DISC1: variants seen among roughly 807,000 people sequenced by gnomAD.
DISC1 encodes the protein DISC1 scaffold protein.
In DISC1, 57 loss-of-function variants were observed where a neutral mutation model predicts 84.5. That is an observed-to-expected ratio of 0.67 (90% CI 0.55 to 0.84). The LOEUF (loss-of-function observed/expected upper bound fraction) is 0.84, where lower values mean the gene tolerates loss of function less well. Ranked by LOEUF, DISC1 falls within the 40% of genes least tolerant of loss-of-function variation. The probability of loss-of-function intolerance (pLI) is 0.00; values close to 1 mark genes in which losing one functional copy is unlikely to be tolerated. For synonymous variants in DISC1, 411 were observed against 415.2 expected (o/e 0.99, Z 0.12); for missense variants, 1,000 against 1,057.8 (o/e 0.95, Z 0.76).
intron 3 of DISC1, among the ~76,000 whole-genome samples, chr1:231,736,237 A>T (rs889086257): frequency 1.3e-4 from 20 of 152,110 alleles, no homozygotes; most frequent in African/African-American, 4.8e-4. Context: ...GTATCCAGGG[A>T]CCCAGATCAA....
At position 231,879,236 on chromosome 1, in the gene DISC1, G is replaced by A. The variant is rs527311344; in HGVS notation, c.1981+60719G>A. Among the ~76,000 whole-genome samples the A allele has an allele frequency of 3.3e-5, 5 of 152,088 alleles. No homozygotes were observed. In the East Asian group the frequency reaches 5.8e-4, roughly 18 times the overall value. Reference sequence around the variant, plus strand: ...TTCAAAAAGTTTCAAATTTTGGAACGTTTCAGATTTTGAGATTAGGGATGC... The same window carrying A: ...TTCAAAAAGTTTCAAATTTTGGAACATTTCAGATTTTGAGATTAGGGATGC... On this transcript the variant is annotated intron_variant, in intron 9 of 12. Transcript: ENST00000439617.
chr1:231,961,572 A>G (rs1402543335), intron 10 of DISC1, among the ~76,000 whole-genome samples: 1 of 152,106 alleles, frequency 6.6e-6, no homozygotes, highest in Non-Finnish European at 1.5e-5. Context: ...TATTGTTCCC[A>G]TCTTTATATC....
At chr1:231,712,157 G>T (rs1056892868) in intron 3 of DISC1, among the ~76,000 whole-genome samples, 2 of 152,160 alleles carry the variant, frequency 1.3e-5, no homozygotes, top group Non-Finnish European at 2.9e-5. Flanking sequence ...ACAAGGACAG[G>T]ATTTTCCCCA....
At chr1:231,801,056 T>G (rs959713809) in intron 8 of DISC1, among the ~76,000 whole-genome samples, 5 of 152,128 alleles carry the variant, frequency 3.3e-5, no homozygotes, top group Admixed American at 6.6e-5. Context: ...AATAATTACA[T>G]GTATGTGTTT....
At chr1:231,870,987 C>CG (rs2085415623) in intron 9 of DISC1, among the ~76,000 whole-genome samples, 4 of 29,254 alleles carry the variant, frequency 1.4e-4, no homozygotes, top group African/African-American at 5.4e-4. Flanking sequence ...TAATATGTAC[C>CG]CGCATTTTTC....
chr1:231,921,147 C>T (rs1014551302), intron 9 of DISC1, among the ~76,000 whole-genome samples: 1 of 152,002 alleles, frequency 6.6e-6, no homozygotes, highest in Admixed American at 6.5e-5. Context: ...ATCTCCTGAC[C>T]TCGTGATCTG....
At position 231,647,733 on chromosome 1, in the gene DISC1, G is replaced by A. The variant is rs1035833537; in HGVS notation, c.67+20799G>A. ...ATTTGTTTGTGTCCTCTTTTATTTCGTTGAGCAGTAGTTTGTAGTTCTCCT... is the reference window on the plus strand; with the variant it reads ...ATTTGTTTGTGTCCTCTTTTATTTCATTGAGCAGTAGTTTGTAGTTCTCCT... On this transcript the variant is annotated intron_variant, in intron 1 of 12. Transcript: ENST00000439617. 1.2e-4 allele frequency among the ~76,000 whole-genome samples: 19 copies of A among 152,088 alleles called. No individual in the cohort carries two copies. The South Asian group carries it at 1.5e-3, about 12-fold the overall frequency.
chr1:231,644,426 T>A (rs757579791), intron 1 of DISC1, among the ~76,000 whole-genome samples: 3 of 152,184 alleles, frequency 2.0e-5, no homozygotes, highest in Non-Finnish European at 4.4e-5. Context: ...TGCTGTTAAA[T>A]TCTGTTAATA....
chr1:232,027,240 T>C (rs1208763228), intron 12 of DISC1, among the ~76,000 whole-genome samples: 1 of 152,220 alleles, frequency 6.6e-6, no homozygotes, highest in African/African-American at 2.4e-5. Flanking sequence ...TAAATCCACC[T>C]CTGAATTTCT....
At chr1:231,819,179 C>T (rs1215795095) in intron 9 of DISC1, 3 of 959,510 alleles carry the variant, frequency 3.1e-6, no homozygotes, top group African/African-American at 1.8e-5. Flanking sequence ...AAAAATGGTT[C>T]CTAAATAAAT....
intron 9 of DISC1, among the ~76,000 whole-genome samples, chr1:231,910,644 A>G (rs1415901573): frequency 2.0e-5 from 3 of 152,170 alleles, no homozygotes; most frequent in Non-Finnish European, 2.9e-5. Flanking sequence ...AGAAGAATGT[A>G]TATTCTGTTG....
intron 3 of DISC1, among the ~76,000 whole-genome samples, chr1:231,721,723 C>T (rs1390227226): frequency 6.6e-6 from 1 of 152,070 alleles, no homozygotes; most frequent in African/African-American, 2.4e-5. Flanking sequence ...GAAAGGGAAG[C>T]TTCATCCAGA....
intron 3 of DISC1, among the ~76,000 whole-genome samples, chr1:231,734,948 G>C (rs952011531): frequency 3.3e-5 from 5 of 152,172 alleles, no homozygotes; most frequent in Non-Finnish European, 7.3e-5. Flanking sequence ...CTTACCCTAA[G>C]CTGTTTAGCA....
At chr1:231,810,195 G>T (rs1323122886) in intron 8 of DISC1, among the ~76,000 whole-genome samples, 5 of 152,196 alleles carry the variant, frequency 3.3e-5, no homozygotes, top group Non-Finnish European at 7.3e-5. Context: ...AACAGCAGGG[G>T]CTGGCTCTGT....
At chr1:231,720,344 A>G (rs1476122990) in intron 3 of DISC1, among the ~76,000 whole-genome samples, 6 of 151,460 alleles carry the variant, frequency 4.0e-5, no homozygotes, top group Non-Finnish European at 7.4e-5. Flanking sequence ...TACTCTTTTT[A>G]ATTTTTTTTC....
At chr1:232,010,647 T>A (rs1465666281) in intron 11 of DISC1, among the ~76,000 whole-genome samples, 1 of 152,126 alleles carries the variant, frequency 6.6e-6, no homozygotes, top group East Asian at 1.9e-4. Flanking sequence ...ATATAAAATT[T>A]ACATGACACA....
At chr1:231,644,820 C>T (rs988743204) in intron 1 of DISC1, among the ~76,000 whole-genome samples, 6 of 151,880 alleles carry the variant, frequency 4.0e-5, no homozygotes, top group Non-Finnish European at 7.4e-5. Flanking sequence ...ATTTCTTCTG[C>T]TTGAGATACT....
At chr1:231,924,749 C>T (rs1008284380) in intron 9 of DISC1, among the ~76,000 whole-genome samples, 5 of 151,794 alleles carry the variant, frequency 3.3e-5, no homozygotes, top group Admixed American at 1.3e-4. Flanking sequence ...CTCCACCTCC[C>T]GGGTTCACGC....
chr1:231,670,563 A>G (rs1399012764), intron 1 of DISC1: 1 of 152,332 alleles, frequency 6.6e-6, no homozygotes, highest in East Asian at 1.9e-4. Context: ...ACAAATGTCA[A>G]ATATTAGTTT....
Sources: allele counts gnomAD v4.1 joint callset (sites outside exome capture counted in the v4.1 genomes callset), GRCh38; gene constraint gnomAD v4.1.1; transcripts MANE v1.5; gene names NCBI Gene and HGNC (gene_info 2026-07-23, HGNC 2026-07-21).